USP50: variants seen among roughly 807,000 people sequenced by gnomAD.
USP50 encodes ubiquitin carboxyl-terminal hydrolase 50.
A neutral mutation model predicts 39.2 loss-of-function variants in USP50; 37 were observed. That is an observed-to-expected ratio of 0.94 (90% CI 0.73 to 1.24). The LOEUF (loss-of-function observed/expected upper bound fraction) is 1.24, where lower values mean the gene tolerates loss of function less well. Among genes scored for constraint, USP50 ranks in the 50% most tolerant of loss-of-function variants. USP50 has a pLI of 0.00. For synonymous variants in USP50, 139 were observed against 144.5 expected (o/e 0.96, Z 0.27); for missense variants, 374 against 398.2 (o/e 0.94, Z 0.52).
chr15:50,524,467 C>G (rs1566907174), intron 6 of USP50, among the ~76,000 whole-genome samples: 1 of 152,176 alleles, frequency 6.6e-6, no homozygotes, highest in Non-Finnish European at 1.5e-5. Context: ...AGAACCAGAA[C>G]AGATATTTCT....
chr15:50,533,976 G>C (rs1263139524), intron 5 of USP50, among the ~76,000 whole-genome samples: 1 of 151,994 alleles, frequency 6.6e-6, no homozygotes, highest in Non-Finnish European at 1.5e-5. Context: ...CTCCAGGCTG[G>C]GCAACAGAGT....
intron 5 of USP50, chr15:50,532,023 C>CT: frequency 2.4e-6 from 1 of 422,898 alleles, no homozygotes. Flanking sequence ...AGAGCCAAAA[C>CT]TGCCGAGCAG....
At chr15:50,537,901 A>AAGGGG (rs1217783218) in intron 5 of USP50, among the ~76,000 whole-genome samples, 347 of 12,858 alleles carry the variant, frequency 0.027, 11 homozygotes, top group African/African-American at 0.047. Context: ...GAGGGGAGGG[A>AAGGGG]AGGGGAGGGA....
chr15:50,529,265 T>C (rs772501156), intron 6 of USP50, among the ~76,000 whole-genome samples: 105 of 151,676 alleles, frequency 6.9e-4, no homozygotes, highest in Non-Finnish European at 1.3e-3. Context: ...ATCCCAGCAC[T>C]TTAAGGGGCC....
intron 6 of USP50, chr15:50,509,134 A>C (rs1286512488): frequency 1.1e-5 from 1 of 91,016 alleles, no homozygotes; most frequent in Non-Finnish European, 2.5e-5. Flanking sequence ...CTCCGTCACA[A>C]AAAAAAAAAA....
intron 2 of USP50, among the ~76,000 whole-genome samples, chr15:50,544,158 T>C (rs1323110292): frequency 6.6e-6 from 1 of 152,024 alleles, no homozygotes; most frequent in East Asian, 1.9e-4. Flanking sequence ...CTGGCCAACA[T>C]GGTGAAACCC....
downstream of USP50, chr15:50,498,824 T>C: frequency 6.5e-7 from 1 of 1,549,684 alleles, no homozygotes; most frequent in South Asian, 1.2e-5. Flanking sequence ...AAGAACAACA[T>C]AAAGCTTTGA....
chr15:50,496,547 C>T (rs2052418780), downstream of USP50, among the ~76,000 whole-genome samples: 2 of 149,982 alleles, frequency 1.3e-5, no homozygotes, highest in Non-Finnish European at 3.0e-5. Context: ...ATAATTAGGC[C>T]TATGTAGATT....
chr15:50,534,621 T>C (rs2052965790), intron 5 of USP50, among the ~76,000 whole-genome samples: 1 of 152,088 alleles, frequency 6.6e-6, no homozygotes, highest in East Asian at 1.9e-4. Flanking sequence ...ACAAGAAACA[T>C]ACTTGAAATA....
chr15:50,499,351 A>G, downstream of USP50: 1 of 299,078 alleles, frequency 3.3e-6, no homozygotes, highest in Non-Finnish European at 6.1e-6. Flanking sequence ...TAACTAGCTA[A>G]GCATTATTAT....
At chr15:50,529,695 A>T in intron 6 of USP50, 102 bp downstream of exon 6, 1 of 1,314,294 alleles carries the variant, frequency 7.6e-7, no homozygotes, top group Non-Finnish European at 1.0e-6. Flanking sequence ...TTTTAAAAGT[A>T]GGGCATAAGC....
intron 1 of USP50, among the ~76,000 whole-genome samples, chr15:50,495,141 A>C (rs2141324600): frequency 6.6e-6 from 1 of 151,728 alleles, no homozygotes; most frequent in South Asian, 2.1e-4. Context: ...TCTTTTTAGC[A>C]CTTTTTGTCT....
chr15:50,518,425 G>A (rs958833956), intron 6 of USP50, among the ~76,000 whole-genome samples: 16 of 150,916 alleles, frequency 1.1e-4, no homozygotes, highest in Admixed American at 4.0e-4. Context: ...GGGTTTCACC[G>A]CAGTCTCGAT....
chr15:50,524,445 T>A (rs1305258550), intron 6 of USP50, among the ~76,000 whole-genome samples: 3 of 152,168 alleles, frequency 2.0e-5, no homozygotes, highest in African/African-American at 7.2e-5. Flanking sequence ...AAGCTGATTT[T>A]AAAATGGGCA....
chr15:50,496,187 T>C (rs2052394280), downstream of USP50: 7 of 1,000,830 alleles, frequency 7.0e-6, no homozygotes, highest in Admixed American at 1.6e-4. Context: ...AAACATTTTA[T>C]CAGTAAAACT....
At chr15:50,537,812 T>A (rs924050242) in intron 5 of USP50, among the ~76,000 whole-genome samples, 1 of 138,372 alleles carries the variant, frequency 7.2e-6, no homozygotes, top group African/African-American at 2.7e-5. Flanking sequence ...AGAACCAAGA[T>A]TTCACCACTG....
downstream of USP50, chr15:50,498,870 A>AATTG (rs2052513956): frequency 1.3e-6 from 2 of 1,566,796 alleles, no homozygotes; most frequent in Non-Finnish European, 1.7e-6. Context: ...ATTTTAACTG[A>AATTG]ATTGATTTTT....
At position 50,541,189 on chromosome 15, in the gene USP50, T is replaced by C. The variant is rs747958774; in HGVS notation, c.520A>G (p.Thr174Ala). ...TCAAACAGCTGGGTGATGATGGATG[T>C]CTCAGTGGTAATCCACTTCCTGCAG... ...RCCRKWITTE[T>A]SIITQLFEEQ... is the part of the protein sequence containing the mutation. The change falls in exon 4 of 7, where the codon ACA becomes GCA. Residue 174 changes from threonine (T) to alanine (A), a missense_variant. Thr to Ala is a moderately conservative substitution (Grantham distance 58). Transcript: ENST00000532404. 6.2e-7 allele frequency: 1 copy of C among 1,613,976 alleles called. No homozygotes were observed. Among genetic ancestry groups the C allele is most frequent in the South Asian group, 1.1e-5 (1 of 91,072 alleles).
At chr15:50,494,048 G>T (rs2052281153) in exon 2 of USP50, 2 of 1,593,038 alleles carry the variant, frequency 1.3e-6, no homozygotes, top group Non-Finnish European at 1.7e-6. Flanking sequence ...ATTGTCTTTT[G>T]TAACAACTTT....
Sources: allele counts gnomAD v4.1 joint callset (sites outside exome capture counted in the v4.1 genomes callset), GRCh38; gene constraint gnomAD v4.1.1; transcripts MANE v1.5; gene names NCBI Gene and HGNC (gene_info 2026-07-23, HGNC 2026-07-21).